The following USP5 variants were observed in gnomAD, a reference collection of about 807,000 sequenced individuals.
USP5 encodes ubiquitin specific peptidase 5.
Under a neutral mutation model 102.5 loss-of-function variants are expected in USP5, and 24 were observed. The ratio of observed to expected loss-of-function variants is 0.23; its 90% CI spans 0.17 to 0.33. The LOEUF is 0.33. Ranked by LOEUF, USP5 falls within the 10% of genes least tolerant of loss-of-function variation. USP5 has a pLI of 1.00. For synonymous variants in USP5, 460 were observed against 434.8 expected, an observed-to-expected ratio of 1.06 and a Z score of -0.72; for missense variants, 753 against 1,122.1, an observed-to-expected ratio of 0.67 and a Z score of 4.70.
In USP5 at chr12:6,856,532, A is replaced by C. The variant is rs1944118783; in HGVS notation, c.584+82A>C. 2 of 1,554,658 alleles carry C rather than the reference A, an allele frequency of 1.3e-6. No individual in the cohort carries two copies. Among genetic ancestry groups the C allele is most frequent in the Non-Finnish European group, 1.7e-6 (2 of 1,152,048 alleles). ...ACTTTTCTGGGGGATCTGGTGGGAG[A>C]GAGGGTAGGGAGCAGGACAGGAAGG... On this transcript the variant is annotated intron_variant, in intron 5 of 19. Transcript: ENST00000229268. This position sits in a 1 kb window ranked among gnomAD's most constrained non-coding sequence, Gnocchi z 5.6.
At chr12:6,854,224 G>C (rs899833591) in intron 1 of USP5, among the ~76,000 whole-genome samples, 5 of 152,232 alleles carry the variant, frequency 3.3e-5, no homozygotes, top group East Asian at 1.9e-4. Context: ...GGATGGCTTT[G>C]AGATTGGTGA....
Position 6,855,589 on chromosome 12 carries a change from A to T in USP5, c.237+63A>T. ...CTGTTCCATTCTGACCTCCTATTGG[A>T]CTCAGTTTCTTTTTTTCACCTACTT... is the stretch of plus-strand genomic sequence containing the variant. On this transcript the variant is annotated intron_variant, in intron 2 of 19. Coordinates refer to ENST00000229268, the MANE Select transcript of USP5 (RefSeq NM_001098536.2). This position sits in a 1 kb window ranked among gnomAD's most constrained non-coding sequence, Gnocchi z 4.6. 1.3e-6 allele frequency: 2 copies of T among 1,594,196 alleles called. No homozygotes were observed. Among genetic ancestry groups the T allele is most frequent in the Admixed American group, 3.5e-5 (2 of 56,382 alleles).
rs144201804 is a variant in USP5, at chr12:6,855,490, G to A, written c.201G>A (p.Gln67=). The A allele has an allele frequency of 3.1e-6, 5 of 1,614,100 alleles. No individual in the cohort carries two copies. In the African/African-American group the frequency reaches 5.3e-5, roughly 17 times the overall value. ...YVERHFNKTG[Q]RVYLHLRRTR... ...AGAGACATTTCAATAAGACCGGCCA[G>A]CGAGTCTACTTGCACCTCCGGCGGA... is the stretch of plus-strand genomic sequence containing the variant. The change falls in exon 2 of 20, where the codon CAG becomes CAA. Residue 67 remains glutamine (Q), a synonymous_variant. Transcript: ENST00000229268. The surrounding 1 kb of genome is among the most constrained non-coding windows in gnomAD (Gnocchi z 4.6).
intron 6 of USP5, chr12:6,857,273 G>A (rs1591606280): frequency 6.2e-6 from 2 of 324,460 alleles, no homozygotes; most frequent in East Asian, 6.4e-5. Context: ...TCCAGCCTGG[G>A]CTACAGAGAC....
chr12:6,857,226 G>A (rs1459051632), intron 6 of USP5, among the ~76,000 whole-genome samples: 1 of 152,140 alleles, frequency 6.6e-6, no homozygotes, highest in African/African-American at 2.4e-5. Flanking sequence ...CACCCGGGAG[G>A]TTGAGGCTGC....
In USP5 at chr12:6,860,990, TC is replaced by T; in HGVS notation, c.1384del (p.Arg462AlafsTer16). On this transcript the variant is annotated frameshift_variant, in exon 12 of 20. Coordinates refer to ENST00000229268, the MANE Select transcript of USP5 (RefSeq NM_001098536.2). LOFTEE classifies it high-confidence loss of function. This position sits in a 1 kb window ranked among gnomAD's most constrained non-coding sequence, Gnocchi z 5.5. ...CRSSENPNEV[F>X]RFLVEEKIKC... is the part of the protein sequence containing the mutation. The stretch of plus-strand genomic sequence containing the variant: ...AGCTCTGAAAATCCTAATGAAGTGT[TC>T]CGCTTCTTGGTGGAGGAAAAGATCA... The T allele has an allele frequency of 6.2e-7, 1 of 1,614,088 alleles. No individual in the cohort carries two copies. Among genetic ancestry groups the T allele is most frequent in the Non-Finnish European group, 8.5e-7 (1 of 1,180,014 alleles).
rs374154051 is a variant in USP5 at position 6,855,831 on chromosome 12, G to A, written c.304+10G>A. The A allele has an allele frequency of 3.9e-4, 634 of 1,614,116 alleles. 1 individual carries two copies. Among genetic ancestry groups the A allele is most frequent in the Non-Finnish European group, 4.9e-4 (573 of 1,179,986 alleles). ...ACGCGGCTGGCTATTGGTGAGCACC[G>A]CTGCAGTCCTATTCTTCTCCCTGAG... is the stretch of plus-strand genomic sequence containing the variant. On this transcript the variant is annotated intron_variant, in intron 3 of 19. Transcript: ENST00000229268. This position sits in a 1 kb window ranked among gnomAD's most constrained non-coding sequence, Gnocchi z 4.6.
In USP5 at chr12:6,863,973, G is replaced by A. The variant is rs1555130152; in HGVS notation, c.2098G>A (p.Asp700Asn). Residue 700 changes from aspartate to asparagine, a missense_variant and splice_region_variant, in exon 16 of 20, where the codon GAT (aspartate) becomes AAT (asparagine). By Grantham distance (23) the Asp-to-Asn change is conservative. Transcript: ENST00000229268. This position sits in a 1 kb window ranked among gnomAD's most constrained non-coding sequence, Gnocchi z 4.7. ...GGTCATGTCACACATGGATGATCCA[G>A]GTAGGCTGGGGTGGGGAGCAGGGTG... is the stretch of plus-strand genomic sequence containing the variant. ...NWVMSHMDDP[D>N]FANPLILPGS... 6.3e-7 allele frequency: 1 copy of A among 1,589,308 alleles called. No individual in the cohort carries two copies. The highest frequency in any genetic ancestry group is 8.6e-7 in the Non-Finnish European group (1 of 1,163,198).
In USP5 at chr12:6,859,612, C is replaced by T. The variant is rs1406421463; in HGVS notation, c.1130+71C>T. The T allele has an allele frequency of 6.2e-6, 9 of 1,443,170 alleles. No individual in the cohort carries two copies. The Admixed American group carries it at 8.4e-5, about 13-fold the overall frequency. 89.4% of individuals were successfully genotyped at this position (1,443,170 alleles called of 1,614,324 possible). A position where few individuals can be genotyped will look rare whatever the true frequency, so the allele number is the denominator to read the frequency against. ...CGTATACCTTCCTCCTCCCTGACCG[C>T]CTGGGGGGCACAGCACTTTAACCCC... On this transcript the variant is annotated intron_variant, in intron 9 of 19. Coordinates refer to ENST00000229268, the MANE Select transcript of USP5 (RefSeq NM_001098536.2).
At chr12:6,859,338 C>T in intron 8 of USP5, 132 bp from the exon 9 acceptor site, 1 of 852,814 alleles carries the variant, frequency 1.2e-6, no homozygotes, top group Non-Finnish European at 1.9e-6. Context: ...AGAAGCGACT[C>T]CAAGGTTCAC....
rs782636478 is a variant in USP5 at position 6,863,345 on chromosome 12, CCTT to C, written c.1925_1927del (p.Phe642del). 7 of 1,614,044 alleles carry C rather than the reference CCTT, an allele frequency of 4.3e-6. No individual in the cohort carries two copies. Among genetic ancestry groups the C allele is most frequent in the Admixed American group, 1.7e-5 (1 of 60,000 alleles). ...TTCTATGGCAACGAAGACGAAGACTCCTTCTGCTCCCCTCACTTCTCCTCTCCG... is the reference window on the plus strand; with the variant it reads ...TTCTATGGCAACGAAGACGAAGACTCCTGCTCCCCTCACTTCTCCTCTCCG... On this transcript the variant is annotated inframe_deletion, in exon 15 of 20. Coordinates refer to ENST00000229268, the MANE Select transcript of USP5 (RefSeq NM_001098536.2). This position sits in a 1 kb window ranked among gnomAD's most constrained non-coding sequence, Gnocchi z 4.7.
At position 6,861,345 on chromosome 12, in the gene USP5, A is replaced by G; in HGVS notation, c.1499-98A>G. The G allele has an allele frequency of 1.4e-6, 2 of 1,409,130 alleles. No homozygotes were observed. Among genetic ancestry groups the G allele is most frequent in the Non-Finnish European group, 1.9e-6 (2 of 1,040,304 alleles). The allele number at this position is 1,409,130 out of a possible 1,614,324, so 87.3% of individuals were successfully genotyped here. A position where few individuals can be genotyped will look rare whatever the true frequency, so the allele number is the denominator to read the frequency against. Reference sequence around the variant, plus strand: ...TGTGTCAGGGGTGCTTTGGAAGGGTAGAGGAACTGAAATACGGACACAGAG... The same window carrying G: ...TGTGTCAGGGGTGCTTTGGAAGGGTGGAGGAACTGAAATACGGACACAGAG... On this transcript the variant is annotated intron_variant, in intron 12 of 19. Transcript: ENST00000229268. This position sits in a 1 kb window ranked among gnomAD's most constrained non-coding sequence, Gnocchi z 4.9.
rs782523415 is a variant in USP5 at position 6,856,725 on chromosome 12, G to T, written c.603G>T (p.Lys201Asn). 2 of 1,614,094 alleles carry T rather than the reference G, an allele frequency of 1.2e-6. No homozygotes were observed. Among genetic ancestry groups the T allele is most frequent in the Non-Finnish European group, 1.7e-6 (2 of 1,180,022 alleles). Residue 201 changes from lysine (K) to asparagine (N), a missense_variant, in exon 6 of 20, where the codon AAG becomes AAT. Lys to Asn is a moderately conservative substitution (Grantham distance 94, BLOSUM62 0). This residue lies in a region of USP5 where 527 missense variants were observed against 816.5 expected (regional missense o/e 0.65). Transcript: ENST00000229268. The surrounding 1 kb of genome is among the most constrained non-coding windows in gnomAD (Gnocchi z 5.6). The stretch of plus-strand genomic sequence containing the variant: ...GGGTTAGTGGCTGGAAGTGCTCCAA[G>T]TGTGACATGAGAGAGAACCTGTGGC... ...RIPPCGWKCS[K>N]CDMRENLWLN...
At chr12:6,862,330 G>GC in intron 13 of USP5, 140 bp from the exon 14 acceptor site, 1 of 741,474 alleles carries the variant, frequency 1.3e-6, no homozygotes, top group South Asian at 1.7e-5. Flanking sequence ...TCAGACACCT[G>GC]CCCAGGGGAA....
rs781970895 is a variant in USP5 at position 6,861,149 on chromosome 12, A to C, written c.1498+43A>C. The C allele has an allele frequency of 6.2e-7, 1 of 1,610,388 alleles. No homozygotes were observed. The highest frequency in any genetic ancestry group is 1.3e-5 in the African/African-American group (1 of 74,968). On this transcript the variant is annotated intron_variant, in intron 12 of 19. Coordinates refer to ENST00000229268, the MANE Select transcript of USP5 (RefSeq NM_001098536.2). The surrounding 1 kb of genome is among the most constrained non-coding windows in gnomAD (Gnocchi z 4.9). ...CAAGGCCGTGGCACGGTGGGAGGCT[A>C]AGGTCTAGGAGGAATGCTTGGGCAC... is the stretch of plus-strand genomic sequence containing the variant.
chr12:6,857,040 C>G lies in USP5; in HGVS notation c.769+149C>G, dbSNP rs1944137060. The G allele has an allele frequency of 1.2e-5, 13 of 1,079,516 alleles. No homozygotes were observed. The South Asian group carries it at 1.3e-4, about 11-fold the overall frequency. 66.9% of individuals were successfully genotyped at this position (1,079,516 alleles called of 1,614,324 possible). On this transcript the variant is annotated intron_variant, in intron 6 of 19. Transcript: ENST00000229268. The stretch of plus-strand genomic sequence containing the variant: ...GTGGCTCATGTTTGCAATCCCAACA[C>G]TTTGGGAGGCCAAGGCAGGAGAATT...
At position 6,856,639 on chromosome 12, in the gene USP5, CCT is replaced by C. The variant is rs2138041793; in HGVS notation, c.585-59_585-58del. 5 of 1,573,830 alleles carry C rather than the reference CCT, an allele frequency of 3.2e-6. No homozygotes were observed. Among genetic ancestry groups the C allele is most frequent in the Non-Finnish European group, 2.6e-6 (3 of 1,159,036 alleles). On this transcript the variant is annotated intron_variant, in intron 5 of 19. Coordinates refer to ENST00000229268, the MANE Select transcript of USP5 (RefSeq NM_001098536.2). This position sits in a 1 kb window ranked among gnomAD's most constrained non-coding sequence, Gnocchi z 5.6. ...TGGATTGGCGGGGGGCCTGCAGAGC[CCT>C]CTCTCTCTGCCACTCCCTCAAATCC...
Position 6,864,473 on chromosome 12 carries a change from C to A in USP5, c.2245-249C>A, listed in dbSNP as rs2071060. Among the ~76,000 whole-genome samples, 6,075 of 152,178 alleles carry A rather than the reference C, an allele frequency of 0.04. 403 individuals are homozygous for A. Among genetic ancestry groups the A allele is most frequent in the East Asian group, 0.21 (1,068 of 5,166 alleles). On this transcript the variant is annotated intron_variant, in intron 17 of 19. Coordinates refer to ENST00000229268, the MANE Select transcript of USP5 (RefSeq NM_001098536.2). This position sits in a 1 kb window ranked among gnomAD's most constrained non-coding sequence, Gnocchi z 4.8. ...GGGAGGGTGAGGTGGGCGGATCACG[C>A]GGTCAGCAGATCAAGACCATCCTGG...
Position 6,855,258 on chromosome 12 carries a change from A to G in USP5, c.112-143A>G. ...TATGTCCCAGGTCCTAAAAGGCTAA[A>G]TAACTTGCCAAGGGCCACACAGTGT... is the stretch of plus-strand genomic sequence containing the variant. On this transcript the variant is annotated intron_variant, in intron 1 of 19. Coordinates refer to ENST00000229268, the MANE Select transcript of USP5 (RefSeq NM_001098536.2). This position sits in a 1 kb window ranked among gnomAD's most constrained non-coding sequence, Gnocchi z 4.6. The G allele has an allele frequency of 1.8e-6, 2 of 1,141,062 alleles. No homozygotes were observed. Among genetic ancestry groups the G allele is most frequent in the Non-Finnish European group, 2.5e-6 (2 of 809,540 alleles). The allele number at this position is 1,141,062 out of a possible 1,614,324, so 70.7% of individuals were successfully genotyped here.
Sources: allele counts gnomAD v4.1 joint callset (sites outside exome capture counted in the v4.1 genomes callset), GRCh38; gene constraint gnomAD v4.1.1; regional missense constraint gnomAD v4.1.1; non-coding constraint Gnocchi (gnomAD v3.1); transcripts MANE v1.5; gene names NCBI Gene and HGNC (gene_info 2026-07-23, HGNC 2026-07-21).